SNRNP40: variants seen among roughly 807,000 people sequenced by gnomAD.
SNRNP40 encodes U5 small nuclear ribonucleoprotein 40 kDa protein.
A neutral mutation model predicts 45.8 loss-of-function variants in SNRNP40; 21 were observed. The observed-to-expected ratio is 0.46, with a 90% CI of 0.32 to 0.66. The LOEUF is 0.66. Among genes scored for constraint, SNRNP40 ranks in the 30% least tolerant of loss-of-function variants. SNRNP40 has a pLI of 0.03. For missense variants in SNRNP40, 344 were observed against 439.1 expected, an observed-to-expected ratio of 0.78 and a Z score of 1.94; for synonymous variants, 142 against 163.8, an observed-to-expected ratio of 0.87 and a Z score of 1.01.
At position 31,260,901 on chromosome 1, in the gene SNRNP40, T is replaced by C. The variant is rs778695873; in HGVS notation, c.1024+628A>G. 6.6e-5 allele frequency: 48 copies of C among 727,096 alleles called. 2 individuals carry two copies. The highest frequency in any genetic ancestry group is 8.0e-5 in the Non-Finnish European group (46 of 574,796). The allele number at this position is 727,096 out of a possible 1,614,324, so 45.0% of individuals were successfully genotyped here. A position where few individuals can be genotyped will look rare whatever the true frequency, so the allele number is the denominator to read the frequency against. On this transcript the variant is annotated intron_variant, in intron 9 of 9. Transcript: ENST00000263694. Reference sequence around the variant, plus strand: ...AAAAAGTATCTTTCTTTTAATCAAATACATCATTGAAACAGACTTGATGGA... The same window carrying C: ...AAAAAGTATCTTTCTTTTAATCAAACACATCATTGAAACAGACTTGATGGA...
At position 31,296,663 on chromosome 1, in the gene SNRNP40, G is replaced by A; in HGVS notation, c.89C>T (p.Ser30Phe). The stretch of plus-strand genomic sequence containing the variant: ...CTGCTGCTGCCCGGCTCCTGGGCCA[G>A]ACCCCGCTCCCAACAGCAACTCATG... ...QRHELLLGAG[S>F]GPGAGQQQAT... Residue 30 changes from serine to phenylalanine, a missense_variant, in exon 1 of 10, where the codon TCT (serine) becomes TTT (phenylalanine). By Grantham distance (155) the Ser-to-Phe change is radical (BLOSUM62 -2). Transcript: ENST00000263694. 6.2e-7 allele frequency: 1 copy of A among 1,613,956 alleles called. No individual in the cohort carries two copies. Among genetic ancestry groups the A allele is most frequent in the Non-Finnish European group, 8.5e-7 (1 of 1,179,946 alleles).
chr1:31,263,913 T>TA (rs11419603), intron 8 of SNRNP40, among the ~76,000 whole-genome samples: 78,470 of 106,858 alleles, frequency 0.73, 28,059 homozygotes, highest in Non-Finnish European at 0.76. Flanking sequence ...ATGTACTGGC[T>TA]AAAAAAAAAA....
At position 31,281,238 on chromosome 1, in the gene SNRNP40, G is replaced by T. The variant is rs1646014621; in HGVS notation, c.654+136C>A. 7.7e-6 allele frequency: 5 copies of T among 650,720 alleles called. No individual in the cohort carries two copies. In the East Asian group the frequency reaches 8.4e-5, roughly 11 times the overall value. The allele number at this position is 650,720 out of a possible 1,614,324, so 40.3% of individuals were successfully genotyped here. Reference sequence around the variant, plus strand: ...GAAGTCAATGAAGACAGGAGAAAAAGAAAATAAGTTCCAAGTTACTATTTT... The same window carrying T: ...GAAGTCAATGAAGACAGGAGAAAAATAAAATAAGTTCCAAGTTACTATTTT... On this transcript the variant is annotated intron_variant, in intron 5 of 9. Coordinates refer to ENST00000263694, the MANE Select transcript of SNRNP40 (RefSeq NM_004814.3).
At chr1:31,276,839 T>A (rs887406230) in intron 5 of SNRNP40, among the ~76,000 whole-genome samples, 2 of 151,482 alleles carry the variant, frequency 1.3e-5, no homozygotes, top group Non-Finnish European at 2.9e-5. Flanking sequence ...TCTAGAACAG[T>A]CTGGTCAACA....
chr1:31,293,491 A>G (rs1241479854), intron 1 of SNRNP40, 143 bp from the exon 2 acceptor site: 3 of 768,062 alleles, frequency 3.9e-6, no homozygotes, highest in Non-Finnish European at 6.1e-6. Context: ...AGCTCTTCTC[A>G]TATGAATGCC....
In SNRNP40 at chr1:31,281,858, G is replaced by C. The variant is rs79902162; in HGVS notation, c.532-362C>G. On this transcript the variant is annotated intron_variant, in intron 4 of 9. Transcript: ENST00000263694. Reference sequence around the variant, plus strand: ...TCAAACCGTAGAGACTAATTCATTAGTAGGCTGCAACCCACATTTAAAAAA... The same window carrying C: ...TCAAACCGTAGAGACTAATTCATTACTAGGCTGCAACCCACATTTAAAAAA... The C allele has an allele frequency of 3.6e-3, 581 of 161,352 alleles. 41 individuals carry two copies. In the East Asian group the frequency reaches 0.096, roughly 27 times the overall value. The allele number at this position is 161,352 out of a possible 1,614,324, so 10.0% of individuals were successfully genotyped here. A position where few individuals can be genotyped will look rare whatever the true frequency, so the allele number is the denominator to read the frequency against.
At chr1:31,281,247 T>G in intron 5 of SNRNP40, 127 bp downstream of exon 5, 1 of 693,780 alleles carries the variant, frequency 1.4e-6, no homozygotes, top group Non-Finnish European at 2.3e-6. Context: ...AGAAAATAAG[T>G]TCCAAGTTAC....
At chr1:31,261,254 G>C (rs905764847) in intron 9 of SNRNP40, 1 of 419,876 alleles carries the variant, frequency 2.4e-6, no homozygotes, top group African/African-American at 2.1e-5. Context: ...GGGAGGCTGA[G>C]GCAGGAGAAC....
chr1:31,259,771 ATC>A lies in SNRNP40; in HGVS notation c.*299_*300del. On this transcript the variant is annotated 3_prime_UTR_variant, in exon 10 of 10. Transcript: ENST00000263694. ...AGCCAGTTACAAAAAAAAAAAAAAA[ATC>A]CCAACCAACAAATTTGTCACATTGG... 1.9e-6 allele frequency: 1 copy of A among 520,796 alleles called. No individual in the cohort carries two copies. The highest frequency in any genetic ancestry group is 3.5e-6 in the Non-Finnish European group (1 of 282,416). The allele number at this position is 520,796 out of a possible 1,614,324, so 32.3% of individuals were successfully genotyped here.
intron 4 of SNRNP40, among the ~76,000 whole-genome samples, chr1:31,286,368 C>A (rs1039625041): frequency 1.3e-5 from 2 of 152,154 alleles, no homozygotes; most frequent in Admixed American, 6.5e-5. Context: ...CTGCATGCAA[C>A]CAGTTTCCCA....
intron 7 of SNRNP40, among the ~76,000 whole-genome samples, chr1:31,268,792 G>A (rs1645917189): frequency 2.0e-5 from 3 of 152,168 alleles, no homozygotes; most frequent in Admixed American, 6.5e-5. Context: ...CACGGGATGC[G>A]GAGGCAGGTA....
At chr1:31,268,286 G>GTT (rs200339347) in intron 7 of SNRNP40, among the ~76,000 whole-genome samples, 1,490 of 117,674 alleles carry the variant, frequency 0.013, 30 homozygotes, top group African/African-American at 0.042. Flanking sequence ...TAAATTTTGG[G>GTT]TTTTTTTTTT....
Position 31,296,647 on chromosome 1 carries a change from C to T in SNRNP40, c.105G>A (p.Gly35=). 1.2e-6 allele frequency: 2 copies of T among 1,613,382 alleles called. No individual in the cohort carries two copies. The highest frequency in any genetic ancestry group is 1.7e-4 in the Middle Eastern group (1 of 6,056). The change falls in exon 1 of 10, where the codon GGG becomes GGA. Residue 35 remains glycine (G), a synonymous_variant. Coordinates refer to ENST00000263694, the MANE Select transcript of SNRNP40 (RefSeq NM_004814.3). The part of the protein sequence containing the change: ...LLGAGSGPGA[G]QQQATPGALL... Reference sequence around the variant, plus strand: ...AGGCTCCCGGCGTCGCCTGCTGCTGCCCGGCTCCTGGGCCAGACCCCGCTC... The same window carrying T: ...AGGCTCCCGGCGTCGCCTGCTGCTGTCCGGCTCCTGGGCCAGACCCCGCTC...
chr1:31,293,948 T>C (rs932361095), intron 1 of SNRNP40, among the ~76,000 whole-genome samples: 1 of 152,034 alleles, frequency 6.6e-6, no homozygotes, highest in Non-Finnish European at 1.5e-5. Context: ...AATAGTTTTG[T>C]TTTATTTTTA....
At position 31,293,308 on chromosome 1, in the gene SNRNP40, A is replaced by G. The variant is rs1405763881; in HGVS notation, c.182T>C (p.Leu61Pro). The stretch of plus-strand genomic sequence containing the variant: ...GACTTCCCCTTCATGTCCAGAGAGC[A>G]GCATGATTGGGGCTTGAAGGGAGGA... ...RCSSLQAPIMLLSGHEGEVYC... is the reference protein window; with the variant it reads ...RCSSLQAPIMPLSGHEGEVYC... Residue 61 changes from leucine to proline, a missense_variant, in exon 2 of 10, where the codon CTG (leucine) becomes CCG (proline). Transcript: ENST00000263694. 6.2e-7 allele frequency: 1 copy of G among 1,613,652 alleles called. No homozygotes were observed. Among genetic ancestry groups the G allele is most frequent in the Non-Finnish European group, 8.5e-7 (1 of 1,179,916 alleles).
intron 8 of SNRNP40, among the ~76,000 whole-genome samples, chr1:31,262,707 A>C (rs1162211074): frequency 6.6e-6 from 1 of 151,850 alleles, no homozygotes; most frequent in Non-Finnish European, 1.5e-5. Context: ...AGGAAGACAA[A>C]ATTTTTATTT....
intron 4 of SNRNP40, among the ~76,000 whole-genome samples, chr1:31,287,166 T>C (rs963822981): frequency 6.6e-6 from 1 of 152,180 alleles, no homozygotes; most frequent in Non-Finnish European, 1.5e-5. Context: ...ACTTGCAACC[T>C]AGTAACAAAA....
intron 4 of SNRNP40, among the ~76,000 whole-genome samples, chr1:31,288,122 C>G (rs1646073620): frequency 6.6e-6 from 1 of 151,634 alleles, no homozygotes; most frequent in Non-Finnish European, 1.5e-5. Flanking sequence ...AAGATTGTGC[C>G]ACTGCACTCC....
intron 5 of SNRNP40, among the ~76,000 whole-genome samples, chr1:31,273,337 C>T (rs1182234519): frequency 6.6e-6 from 1 of 152,074 alleles, no homozygotes; most frequent in Non-Finnish European, 1.5e-5. Flanking sequence ...AAAAAAGTAT[C>T]CAGGATTTGC....
Sources: allele counts gnomAD v4.1 joint callset (sites outside exome capture counted in the v4.1 genomes callset), GRCh38; gene constraint gnomAD v4.1.1; transcripts MANE v1.5; gene names NCBI Gene and HGNC (gene_info 2026-07-23, HGNC 2026-07-21).